Variants in STK31 observed in about 807,000 individuals in gnomAD.
STK31 encodes the protein serine/threonine kinase 31.
Under a neutral mutation model 129.7 loss-of-function variants are expected in STK31, and 89 were observed. The ratio of observed to expected loss-of-function variants is 0.69; its 90% CI spans 0.58 to 0.82. STK31 has a LOEUF of 0.82. Ranked by LOEUF, STK31 falls within the 40% of genes least tolerant of loss-of-function variation. The probability of loss-of-function intolerance (pLI) is 0.00; values close to 1 mark genes in which losing one functional copy is unlikely to be tolerated. For missense variants in STK31, 1,187 were observed against 1,176.4 expected (o/e 1.01, Z -0.13); for synonymous variants, 448 against 395.3 (o/e 1.13, Z -1.58).
At chr7:23,822,556 A>G (rs1021180875) in intron 23 of STK31, among the ~76,000 whole-genome samples, 1 of 152,104 alleles carries the variant, frequency 6.6e-6, no homozygotes, top group Admixed American at 6.6e-5. Flanking sequence ...TTCTAGATAG[A>G]AGATTATGTC....
chr7:23,804,330 T>A (rs1483798500), intron 22 of STK31, among the ~76,000 whole-genome samples: 2 of 152,184 alleles, frequency 1.3e-5, no homozygotes, highest in African/African-American at 4.8e-5. Context: ...TATTATTGTC[T>A]GCTTCTACCA....
chr7:23,778,852 T>C (rs1790724897), intron 15 of STK31, among the ~76,000 whole-genome samples: 1 of 152,166 alleles, frequency 6.6e-6, no homozygotes, highest in Admixed American at 6.5e-5. Flanking sequence ...TCAAACTCAT[T>C]CTCCATCCAG....
At chr7:23,713,856 A>G (rs1026072234) in intron 3 of STK31, among the ~76,000 whole-genome samples, 9 of 151,816 alleles carry the variant, frequency 5.9e-5, no homozygotes, top group African/African-American at 2.2e-4. Flanking sequence ...AATAAGAAAA[A>G]TTATAGTAAA....
At chr7:23,737,600 TC>T (rs1787791880) in intron 8 of STK31, among the ~76,000 whole-genome samples, 1 of 152,248 alleles carries the variant, frequency 6.6e-6, no homozygotes, top group Admixed American at 6.5e-5. Flanking sequence ...CAGGCAGTAT[TC>T]AAATTTGCCA....
At chr7:23,772,300 A>G in intron 15 of STK31, 22 bp downstream of exon 15, 1 of 1,595,188 alleles carries the variant, frequency 6.3e-7, no homozygotes, top group East Asian at 2.3e-5. Flanking sequence ...GTTGTTTCTT[A>G]CTGATCTTTA....
At chr7:23,717,302 G>A (rs941046277) in intron 3 of STK31, among the ~76,000 whole-genome samples, 179 bp from the exon 4 acceptor site, 3 of 150,886 alleles carry the variant, frequency 2.0e-5, no homozygotes, top group Non-Finnish European at 4.4e-5. Context: ...CTTTTTCTAT[G>A]GCCTAGTCTC....
rs145463640 is a variant in STK31 at position 23,829,433 on chromosome 7, T to C, written c.2830-2703T>C. ...CAGTTGATGTGATGGATCATGTCGC[T>C]GATTTGGGTGTGTTGAACCATCCTA... On this transcript the variant is annotated intron_variant, in intron 23 of 23. Coordinates refer to ENST00000355870, the MANE Select transcript of STK31 (RefSeq NM_031414.5). 6.6e-5 allele frequency among the ~76,000 whole-genome samples: 10 copies of C among 152,350 alleles called. No individual in the cohort carries two copies. In the East Asian group the frequency reaches 1.9e-3, roughly 29 times the overall value.
intron 8 of STK31, 142 bp downstream of exon 8, chr7:23,737,220 A>AT (rs1287974995): frequency 6.5e-6 from 4 of 616,762 alleles, no homozygotes; most frequent in Non-Finnish European, 9.5e-6. Flanking sequence ...TTATAGGTGA[A>AT]TTTTTTTTCA....
chr7:23,826,026 T>A (rs1252474533), intron 23 of STK31, among the ~76,000 whole-genome samples: 1 of 152,194 alleles, frequency 6.6e-6, no homozygotes, highest in Non-Finnish European at 1.5e-5. Context: ...AAGTATGTGG[T>A]CAATTTTGGA....
At chr7:23,802,806 G>T (rs1013662097) in intron 22 of STK31, among the ~76,000 whole-genome samples, 4 of 152,122 alleles carry the variant, frequency 2.6e-5, no homozygotes, top group Non-Finnish European at 5.9e-5. Context: ...GAGCCACTGC[G>T]CCTGGCTGCT....
At chr7:23,752,113 G>T (rs1788747609) in intron 8 of STK31, among the ~76,000 whole-genome samples, 1 of 151,828 alleles carries the variant, frequency 6.6e-6, no homozygotes, top group African/African-American at 2.4e-5. Flanking sequence ...TTTTAAAATG[G>T]TTAAAATGAT....
rs1451249510 is a variant in STK31, at chr7:23,785,528, T to C, written c.2199T>C (p.Ala733=). 3 of 1,613,932 alleles carry C rather than the reference T, an allele frequency of 1.9e-6. No homozygotes were observed. Among genetic ancestry groups the C allele is most frequent in the South Asian group, 1.1e-5 (1 of 91,094 alleles). The change falls in exon 18 of 24, where the codon GCT becomes GCC. Residue 733 remains alanine, a synonymous_variant. Coordinates refer to ENST00000355870, the MANE Select transcript of STK31 (RefSeq NM_031414.5). The part of the protein sequence containing the change: ...TMSLERDLLD[A]EPMKELSSKR... ...GCTTGGAACGAGATCTTCTTGATGCTGAGCCCATGAAGGAACTTAGCAGCA... is the reference window on the plus strand; with the variant it reads ...GCTTGGAACGAGATCTTCTTGATGCCGAGCCCATGAAGGAACTTAGCAGCA...
intron 23 of STK31, among the ~76,000 whole-genome samples, chr7:23,825,003 T>C (rs563489254): frequency 1.3e-5 from 2 of 152,280 alleles, no homozygotes; most frequent in East Asian, 3.9e-4. Flanking sequence ...GGTTTGCCAG[T>C]ATTTTATTGA....
Position 23,729,076 on chromosome 7 carries a change from T to G in STK31, c.325-15T>G. On this transcript the variant is annotated splice_polypyrimidine_tract_variant and intron_variant, in intron 5 of 23. Transcript: ENST00000355870. ...TCTGGGGTCAGTATTCGTATTTGTC[T>G]CTTATTTTTTCCAGTGTCTGGTGAG... 2 of 1,581,444 alleles carry G rather than the reference T, an allele frequency of 1.3e-6. No homozygotes were observed. The highest frequency in any genetic ancestry group is 1.7e-6 in the Non-Finnish European group (2 of 1,169,340).
chr7:23,710,364 G>C lies in STK31; in HGVS notation c.50+29G>C, dbSNP rs1785860919. The C allele has an allele frequency of 1.2e-5, 20 of 1,613,316 alleles. No homozygotes were observed. In the Middle Eastern group the frequency reaches 4.9e-4, roughly 40 times the overall value. ...AGTAGTAGTTTTTGTGGTACGTGCA[G>C]TGGTGGCCGCTTCAAGGACTATTTT... On this transcript the variant is annotated intron_variant, in intron 1 of 23. Coordinates refer to ENST00000355870, the MANE Select transcript of STK31 (RefSeq NM_031414.5).
At chr7:23,780,802 G>T (rs529599564) in intron 15 of STK31, among the ~76,000 whole-genome samples, 1 of 152,314 alleles carries the variant, frequency 6.6e-6, no homozygotes, top group South Asian at 2.1e-4. Flanking sequence ...ATTTCCTACT[G>T]AGCAAATTGT....
At chr7:23,724,823 A>G (rs897364360) in intron 4 of STK31, among the ~76,000 whole-genome samples, 3 of 152,162 alleles carry the variant, frequency 2.0e-5, no homozygotes, top group South Asian at 2.1e-4. Flanking sequence ...TATCCTTTGT[A>G]GCTTTTGAAT....
At position 23,762,835 on chromosome 7, in the gene STK31, A is replaced by G. The variant is rs1789551032; in HGVS notation, c.1328A>G (p.Glu443Gly). ...EGNILIAQRN[E>G]MQQKLYMSVE... Reference sequence around the variant, plus strand: ...AATATTTTGATTGCCCAAAGAAATGAAATGCAGCAGAAGCTGTACATGTCA... The same window carrying G: ...AATATTTTGATTGCCCAAAGAAATGGAATGCAGCAGAAGCTGTACATGTCA... Residue 443 changes from glutamate to glycine, a missense_variant, in exon 11 of 24, where the codon GAA becomes GGA. Glu to Gly is a moderately conservative substitution (Grantham distance 98). This residue lies in a region of STK31 where 975 missense variants were observed against 934.9 expected (regional missense o/e 1.04). Transcript: ENST00000355870. 1 of 1,609,178 alleles carries G rather than the reference A, an allele frequency of 6.2e-7. No individual in the cohort carries two copies. Among genetic ancestry groups the G allele is most frequent in the East Asian group, 2.2e-5 (1 of 44,514 alleles).
chr7:23,722,434 TC>T (rs1273135226), intron 4 of STK31: 1 of 153,642 alleles, frequency 6.5e-6, no homozygotes, highest in East Asian at 1.9e-4. Context: ...TGCTGCCTGA[TC>T]GTTCTTCTGG....
Sources: allele counts gnomAD v4.1 joint callset (sites outside exome capture counted in the v4.1 genomes callset), GRCh38; gene constraint gnomAD v4.1.1; regional missense constraint gnomAD v4.1.1; transcripts MANE v1.5; gene names NCBI Gene and HGNC (gene_info 2026-07-23, HGNC 2026-07-21).